The following EIF3E variants were observed in gnomAD, a reference collection of about 807,000 sequenced individuals.
EIF3E encodes eukaryotic translation initiation factor 3 subunit E.
Under a neutral mutation model 59.3 loss-of-function variants are expected in EIF3E, and 25 were observed. The observed-to-expected ratio is 0.42, with a 90% confidence interval of 0.31 to 0.59. The LOEUF is 0.59. Among genes scored for constraint, EIF3E ranks in the 20% least tolerant of loss-of-function variants. The pLI, the probability that EIF3E is intolerant of heterozygous loss-of-function variation, is 0.15. For missense variants in EIF3E, 317 were observed against 534.3 expected, an observed-to-expected ratio of 0.59 and a Z score of 4.01; for synonymous variants, 176 against 170.2, an observed-to-expected ratio of 1.03 and a Z score of -0.26.
At position 108,248,035 on chromosome 8, in the gene EIF3E, GGC is replaced by G. The variant is rs1157670582; in HGVS notation, c.90+576_90+577del. On this transcript the variant is annotated intron_variant, in intron 1 of 12. Transcript: ENST00000220849. ...TGGAGGGATTTTTTCTGGGGGGGGG[GGC>G]GGGGGAGCGCCGTCCCCATCTGACG... Among the ~76,000 whole-genome samples, 97 of 133,998 alleles carry G rather than the reference GGC, an allele frequency of 7.2e-4. 1 individual carries two copies. Among genetic ancestry groups the G allele is most frequent in the African/African-American group, 2.6e-3 (93 of 36,266 alleles). The allele number at this position is 133,998 out of a possible 152,430, so 87.9% of individuals were successfully genotyped here. A position where few individuals can be genotyped will look rare whatever the true frequency, so the allele number is the denominator to read the frequency against.
chr8:108,243,693 G>C (rs1463155072), intron 1 of EIF3E, among the ~76,000 whole-genome samples: 1 of 147,284 alleles, frequency 6.8e-6, no homozygotes, highest in African/African-American at 2.5e-5. Context: ...ATTAATCTGA[G>C]TGGTGGTCAC....
intron 3 of EIF3E, among the ~76,000 whole-genome samples, chr8:108,238,776 T>C (rs915661124): frequency 2.0e-5 from 3 of 152,178 alleles, no homozygotes; most frequent in Admixed American, 6.5e-5. Flanking sequence ...CTCTAAAAAT[T>C]TGGTTTAAAT....
chr8:108,221,296 G>A (rs978026721), intron 7 of EIF3E, among the ~76,000 whole-genome samples: 2 of 152,106 alleles, frequency 1.3e-5, no homozygotes, highest in Non-Finnish European at 2.9e-5. Context: ...TGGGCATGAG[G>A]CAATGCTCTG....
At chr8:108,235,637 G>A (rs7826841) in intron 4 of EIF3E, among the ~76,000 whole-genome samples, 21,428 of 152,024 alleles carry the variant, frequency 0.14, 3,905 homozygotes, top group African/African-American at 0.43. Context: ...GTTAACACAA[G>A]GGAAATAAGA....
At chr8:108,232,412 T>C (rs1200814741) in intron 5 of EIF3E, among the ~76,000 whole-genome samples, 1 of 152,200 alleles carries the variant, frequency 6.6e-6, no homozygotes, top group East Asian at 1.9e-4. Context: ...AATCACTTAA[T>C]CAAAATATCA....
At chr8:108,238,610 A>C (rs1416650697) in intron 3 of EIF3E, among the ~76,000 whole-genome samples, 1 of 152,174 alleles carries the variant, frequency 6.6e-6, no homozygotes, top group Non-Finnish European at 1.5e-5. Context: ...CAGAACAGAG[A>C]GCTAACTGCA....
At position 108,222,623 on chromosome 8, in the gene EIF3E, T is replaced by C. The variant is rs571235522; in HGVS notation, c.723-5163A>G. Among the ~76,000 whole-genome samples, 12 of 152,342 alleles carry C rather than the reference T, an allele frequency of 7.9e-5. No homozygotes were observed. In the South Asian group the frequency reaches 2.5e-3, roughly 32 times the overall value. ...GTTTTACTTCCCTGGCTTATCTCTCTTCTCTGTCCAACCAAATTTAAGACA... is the reference window on the plus strand; with the variant it reads ...GTTTTACTTCCCTGGCTTATCTCTCCTCTCTGTCCAACCAAATTTAAGACA... On this transcript the variant is annotated intron_variant, in intron 7 of 12. Transcript: ENST00000220849.
intron 12 of EIF3E, among the ~76,000 whole-genome samples, chr8:108,202,582 A>C (rs1815014885): frequency 6.6e-6 from 1 of 152,060 alleles, no homozygotes; most frequent in Non-Finnish European, 1.5e-5. Context: ...TAATACATAT[A>C]ATAAGATCAA....
chr8:108,214,644 C>G lies in EIF3E; in HGVS notation c.1024G>C (p.Glu342Gln). 1 of 1,610,530 alleles carries G rather than the reference C, an allele frequency of 6.2e-7. No individual in the cohort carries two copies. Among genetic ancestry groups the G allele is most frequent in the Non-Finnish European group, 8.5e-7 (1 of 1,179,136 alleles). The change falls in exon 10 of 13, where the codon GAG becomes CAG. Residue 342 changes from glutamate (E) to glutamine (Q), a missense_variant. Glu to Gln is a conservative substitution (Grantham distance 29, BLOSUM62 2). Around this residue, in one of 4 missense-constraint regions of EIF3E, gnomAD observed 242 missense variants for 398.0 expected, o/e 0.61. Transcript: ENST00000220849. ...CACTGGTGGATGCGACAGAAAGTCT[C>G]AAATATGAAGAGACGGGCATTTTCA... is the stretch of plus-strand genomic sequence containing the variant. ...FIENARLFIF[E>Q]TFCRIHQCIS...
At chr8:108,239,025 A>G (rs1295843625) in intron 3 of EIF3E, among the ~76,000 whole-genome samples, 1 of 152,182 alleles carries the variant, frequency 6.6e-6, no homozygotes, top group Non-Finnish European at 1.5e-5. Flanking sequence ...GAAGTTAGGA[A>G]TAAAATAATC....
rs1403553088 is a variant in EIF3E at position 108,203,191 on chromosome 8, A to G, written c.1165-74T>C. On this transcript the variant is annotated intron_variant, in intron 11 of 12. Coordinates refer to ENST00000220849, the MANE Select transcript of EIF3E (RefSeq NM_001568.3). ...TTCTCAGGTAAGTAAAAAGCATGAC[A>G]TACCTTTGCGCATATTTTAATGCAC... 7.2e-6 allele frequency: 11 copies of G among 1,534,998 alleles called. No individual in the cohort carries two copies. The African/African-American group carries it at 1.2e-4, about 17-fold the overall frequency.
chr8:108,209,894 G>C (rs980120011), intron 10 of EIF3E, among the ~76,000 whole-genome samples: 17 of 152,054 alleles, frequency 1.1e-4, no homozygotes, highest in African/African-American at 4.1e-4. Context: ...TCTGTATCTT[G>C]AATGTATCAA....
At chr8:108,247,445 T>C (rs1244671409) in intron 1 of EIF3E, among the ~76,000 whole-genome samples, 1 of 152,194 alleles carries the variant, frequency 6.6e-6, no homozygotes, top group Non-Finnish European at 1.5e-5. Flanking sequence ...AGCAAAAATA[T>C]ATCAAGAGAA....
chr8:108,227,406 G>C (rs933698995), intron 7 of EIF3E: 1 of 152,126 alleles, frequency 6.6e-6, no homozygotes, highest in African/African-American at 2.4e-5. Flanking sequence ...TGCTAAAATT[G>C]CTACTGCAAT....
At chr8:108,244,870 G>C (rs1021480850) in intron 1 of EIF3E, among the ~76,000 whole-genome samples, 4 of 151,692 alleles carry the variant, frequency 2.6e-5, no homozygotes, top group Non-Finnish European at 4.4e-5. Context: ...CAAAATTAGG[G>C]AATAATGTTA....
chr8:108,204,869 C>T (rs1309435733), intron 10 of EIF3E, among the ~76,000 whole-genome samples: 1 of 151,362 alleles, frequency 6.6e-6, no homozygotes, highest in Non-Finnish European at 1.5e-5. Context: ...CTAAAATACT[C>T]TTTGATATCA....
intron 5 of EIF3E, among the ~76,000 whole-genome samples, chr8:108,232,070 C>T (rs1815634639): frequency 6.6e-6 from 1 of 152,070 alleles, no homozygotes; most frequent in Non-Finnish European, 1.5e-5. Context: ...AATTAATTAA[C>T]TAAAAAGTAA....
chr8:108,205,701 C>T (rs539281481), intron 10 of EIF3E, among the ~76,000 whole-genome samples: 10 of 152,316 alleles, frequency 6.6e-5, no homozygotes, highest in Non-Finnish European at 1.2e-4. Context: ...ACACTGTATA[C>T]GCTACCCGCC....
At chr8:108,215,611 C>T (rs1163484170) in intron 9 of EIF3E, among the ~76,000 whole-genome samples, 1 of 151,854 alleles carries the variant, frequency 6.6e-6, no homozygotes, top group Non-Finnish European at 1.5e-5. Context: ...GAGTGAGACT[C>T]TGTCTGAAAA....
Sources: gnomAD v4.1 joint callset for allele counts (sites outside exome capture counted in the v4.1 genomes callset) on GRCh38, gnomAD v4.1.1 for gene constraint, gnomAD v4.1.1 regional missense constraint, MANE v1.5 for transcripts, NCBI Gene and HGNC (gene_info 2026-07-23, HGNC 2026-07-21) for gene names.